The following TASP1 variants were observed in gnomAD, a reference collection of about 807,000 sequenced individuals.
The protein encoded by TASP1 is taspase 1.
A neutral mutation model predicts 56.6 loss-of-function variants in TASP1; 16 were observed. The ratio of observed to expected loss-of-function variants is 0.28; its 90% CI spans 0.19 to 0.43. TASP1 has a LOEUF of 0.43. Ranked by LOEUF, TASP1 falls within the 20% of genes least tolerant of loss-of-function variation. The pLI, the probability that TASP1 is intolerant of heterozygous loss-of-function variation, is 1.00. For missense variants in TASP1, 393 were observed against 511.6 expected (o/e 0.77, Z 2.24); for synonymous variants, 179 against 184.2 (o/e 0.97, Z 0.23).
intron 8 of TASP1, among the ~76,000 whole-genome samples, chr20:13,554,034 A>G (rs2046070565): frequency 6.6e-6 from 1 of 152,186 alleles, no homozygotes; most frequent in African/African-American, 2.4e-5. Context: ...AATCCCAGAT[A>G]AAAAAGGAAA....
At chr20:13,498,595 C>T in intron 10 of TASP1, among the ~76,000 whole-genome samples, 1 of 151,862 alleles carries the variant, frequency 6.6e-6, no homozygotes, top group Non-Finnish European at 1.5e-5. Flanking sequence ...CTGACCGCCT[C>T]GGCCTCTCAA....
chr20:13,353,712 C>A, the TASP1 span, among the ~76,000 whole-genome samples: 1 of 152,126 alleles, frequency 6.6e-6, no homozygotes, highest in Non-Finnish European at 1.5e-5. Context: ...AATCAACTGC[C>A]CAGGCTCTGA....
chr20:13,176,937 A>G, the TASP1 span, among the ~76,000 whole-genome samples: 1 of 152,202 alleles, frequency 6.6e-6, no homozygotes, highest in Non-Finnish European at 1.5e-5. Context: ...GAAAACTACA[A>G]AACAATGATG....
chr20:13,435,299 T>C (rs767216735), intron 11 of TASP1, 145 bp from the exon 12 acceptor site: 1 of 644,666 alleles, frequency 1.6e-6, no homozygotes, highest in Non-Finnish European at 2.7e-6. Context: ...CCTCATTATA[T>C]ACTTGATGGC....
At chr20:13,225,105 G>GAA in the TASP1 span, among the ~76,000 whole-genome samples, 3 of 150,680 alleles carry the variant, frequency 2.0e-5, no homozygotes, top group Admixed American at 6.6e-5. Context: ...CGCCCGCCTT[G>GAA]GCCTCCCAAA....
chr20:13,370,207 T>C, the TASP1 span, among the ~76,000 whole-genome samples: 1 of 152,082 alleles, frequency 6.6e-6, no homozygotes, highest in African/African-American at 2.4e-5. Flanking sequence ...AAATGGAATA[T>C]ATTAAATCTC....
the TASP1 span, among the ~76,000 whole-genome samples, chr20:13,125,803 A>G: frequency 6.6e-6 from 1 of 152,196 alleles, no homozygotes; most frequent in East Asian, 1.9e-4. Flanking sequence ...CCACCACACC[A>G]TCACCTCTGC....
intron 10 of TASP1, among the ~76,000 whole-genome samples, chr20:13,511,317 A>G (rs2044318352): frequency 1.3e-5 from 2 of 152,136 alleles, no homozygotes; most frequent in Non-Finnish European, 2.9e-5. Flanking sequence ...AGCAAGCAAG[A>G]GAAGTGGAGA....
chr20:13,635,717 C>G (rs931111711), intron 1 of TASP1, among the ~76,000 whole-genome samples: 1 of 152,102 alleles, frequency 6.6e-6, no homozygotes, highest in Non-Finnish European at 1.5e-5. Context: ...TACTGCCAAC[C>G]TTTCAAAACT....
At chr20:13,205,875 G>A in the TASP1 span, among the ~76,000 whole-genome samples, 1 of 152,164 alleles carries the variant, frequency 6.6e-6, no homozygotes, top group African/African-American at 2.4e-5. Context: ...CCCCTCTGAG[G>A]ACCCTCTAGA....
At chr20:13,289,475 T>C in the TASP1 span, among the ~76,000 whole-genome samples, 1 of 152,212 alleles carries the variant, frequency 6.6e-6, no homozygotes, top group Admixed American at 6.5e-5. Flanking sequence ...AATTGCACAC[T>C]TGGTGAGAGG....
At chr20:13,327,501 C>T in the TASP1 span, among the ~76,000 whole-genome samples, 6 of 152,238 alleles carry the variant, frequency 3.9e-5, no homozygotes, top group Admixed American at 2.0e-4. Context: ...ATAGCCAAGA[C>T]AATCCTAAGC....
chr20:13,569,451 T>G, intron 7 of TASP1, 56 bp downstream of exon 7: 2 of 1,345,952 alleles, frequency 1.5e-6, no homozygotes, highest in Admixed American at 1.7e-5. Context: ...AGAAGCAATA[T>G]TATACTTTAG....
chr20:13,565,800 G>A (rs2327791), intron 7 of TASP1, among the ~76,000 whole-genome samples: 90,143 of 151,810 alleles, frequency 0.59, 27,626 homozygotes, highest in Non-Finnish European at 0.67. Context: ...TGGCTTCTCA[G>A]AAAATAAAAA....
the TASP1 span, among the ~76,000 whole-genome samples, chr20:13,277,632 TC>T: frequency 3.5e-5 from 5 of 140,892 alleles, no homozygotes; most frequent in Non-Finnish European, 6.0e-5. Context: ...TTTCTTTTCT[TC>T]CCCCCTACCC....
intron 13 of TASP1, among the ~76,000 whole-genome samples, chr20:13,405,733 T>C (rs1169728615): frequency 6.6e-6 from 1 of 150,860 alleles, no homozygotes; most frequent in African/African-American, 2.5e-5. Flanking sequence ...TTTTTTTGTA[T>C]TTTTAGTAGA....
At chr20:13,474,923 T>C (rs1047996507) in intron 11 of TASP1, among the ~76,000 whole-genome samples, 1 of 152,198 alleles carries the variant, frequency 6.6e-6, no homozygotes, top group African/African-American at 2.4e-5. Flanking sequence ...GTTGGCAGTA[T>C]ATCTTCTTTG....
intron 13 of TASP1, among the ~76,000 whole-genome samples, chr20:13,395,303 G>A (rs767043623): frequency 1.7e-4 from 26 of 152,304 alleles, no homozygotes; most frequent in Non-Finnish European, 3.1e-4. Context: ...TTCCTTCCTG[G>A]AAAGCAGGAC....
chr20:13,362,572 C>T, the TASP1 span, among the ~76,000 whole-genome samples: 2 of 150,774 alleles, frequency 1.3e-5, no homozygotes, highest in African/African-American at 4.9e-5. Flanking sequence ...CAGCCCCACC[C>T]TTATCTCCCT....
Sources: gnomAD v4.1 joint callset for allele counts (sites outside exome capture counted in the v4.1 genomes callset) on GRCh38, gnomAD v4.1.1 for gene constraint, MANE v1.5 for transcripts, NCBI Gene and HGNC (gene_info 2026-07-23, HGNC 2026-07-21) for gene names.